Variants in MAGI2 observed in about 807,000 individuals in gnomAD.
MAGI2 encodes the protein membrane-associated guanylate kinase, WW and PDZ domain-containing protein 2.
In MAGI2, 35 loss-of-function variants were observed where a neutral mutation model predicts 133.3. The ratio of observed to expected loss-of-function variants is 0.26; its 90% confidence interval spans 0.20 to 0.35. MAGI2 has a LOEUF of 0.35. MAGI2 is among the 10% of genes least tolerant of loss of function. MAGI2 has a pLI of 1.00. For synonymous variants in MAGI2, 729 were observed against 710.6 expected (o/e 1.03, Z -0.41); for missense variants, 1,636 against 1,863.4 (o/e 0.88, Z 2.25).
intron 5 of MAGI2, among the ~76,000 whole-genome samples, chr7:78,493,460 T>C (rs1367973933): frequency 1.3e-5 from 2 of 152,190 alleles, no homozygotes; most frequent in East Asian, 1.9e-4. Flanking sequence ...TGTCCCCTCA[T>C]TTAATGCTAA....
Position 78,256,205 on chromosome 7 carries a change from T to C in MAGI2, c.1785A>G (p.Ser595=), listed in dbSNP as rs1198468805. 1 of 1,614,022 alleles carries C rather than the reference T, an allele frequency of 6.2e-7. No individual in the cohort carries two copies. Among genetic ancestry groups the C allele is most frequent in the Non-Finnish European group, 8.5e-7 (1 of 1,179,992 alleles). Residue 595 remains serine, a synonymous_variant, in exon 10 of 22, where the codon TCA becomes TCG. Transcript: ENST00000354212. ...TAAGTTCAGCTTGGGTGGCCCCAGATGAAGCCATAGACACATTGTCATCAT... is the reference window on the plus strand; with the variant it reads ...TAAGTTCAGCTTGGGTGGCCCCAGACGAAGCCATAGACACATTGTCATCAT... The part of the protein sequence containing the change: ...PVHDDNVSMA[S]SGATQAELMT...
chr7:79,276,456 T>C (rs1835234186), intron 1 of MAGI2, among the ~76,000 whole-genome samples: 1 of 152,208 alleles, frequency 6.6e-6, no homozygotes, highest in African/African-American at 2.4e-5. Context: ...TATAACTTTC[T>C]GAAGGCTCAG....
At position 78,189,143 on chromosome 7, in the gene MAGI2, C is replaced by T. The variant is rs149405790; in HGVS notation, c.2270-3473G>A. Among the ~76,000 whole-genome samples, 45 of 152,204 alleles carry T rather than the reference C, an allele frequency of 3.0e-4. No individual in the cohort carries two copies. The East Asian group carries it at 5.8e-3, about 20-fold the overall frequency. On this transcript the variant is annotated intron_variant, in intron 12 of 21. Transcript: ENST00000354212. ...CTGGTAGTTTAGAAATACAACCACC[C>T]GTTTGTGATCAGCCATGAATTACAT...
chr7:79,287,252 G>T (rs1836082412), intron 1 of MAGI2, among the ~76,000 whole-genome samples: 1 of 152,082 alleles, frequency 6.6e-6, no homozygotes, highest in Admixed American at 6.6e-5. Context: ...AGTTTGGAAA[G>T]TTCTGGTTTG....
At chr7:78,330,064 T>C (rs1444152757) in intron 9 of MAGI2, among the ~76,000 whole-genome samples, 4 of 152,234 alleles carry the variant, frequency 2.6e-5, no homozygotes, top group Non-Finnish European at 5.9e-5. Flanking sequence ...TATCCATTAC[T>C]TCTAGAATAT....
intron 2 of MAGI2, among the ~76,000 whole-genome samples, chr7:78,782,453 T>G (rs751543452): frequency 3.9e-5 from 6 of 151,902 alleles, no homozygotes; most frequent in Non-Finnish European, 8.8e-5. Flanking sequence ...ACATTTTGAG[T>G]GTGGAATCCT....
At chr7:78,653,298 G>A (rs1269287581) in intron 2 of MAGI2, among the ~76,000 whole-genome samples, 3 of 152,058 alleles carry the variant, frequency 2.0e-5, no homozygotes, top group Non-Finnish European at 2.9e-5. Context: ...TAAACCCAAA[G>A]GATTATAAAT....
intron 1 of MAGI2, among the ~76,000 whole-genome samples, chr7:79,212,200 A>C (rs1829557486): frequency 6.6e-6 from 1 of 152,054 alleles, no homozygotes. Flanking sequence ...AAGATGTTGC[A>C]TTATTTGTAG....
intron 6 of MAGI2, among the ~76,000 whole-genome samples, chr7:78,437,882 C>G (rs1787204017): frequency 6.6e-6 from 1 of 152,152 alleles, no homozygotes; most frequent in Admixed American, 6.5e-5. Context: ...ATATAAGCTT[C>G]ATTTACCCTT....
intron 2 of MAGI2, among the ~76,000 whole-genome samples, chr7:79,002,882 T>C (rs1807026783): frequency 6.6e-6 from 1 of 150,838 alleles, no homozygotes. Context: ...TGTGTGTGTG[T>C]GTGTGTGTGT....
chr7:79,145,881 C>G (rs915843830), intron 1 of MAGI2, among the ~76,000 whole-genome samples: 9 of 152,230 alleles, frequency 5.9e-5, no homozygotes, highest in Non-Finnish European at 1.5e-5. Flanking sequence ...CATCCAAAAT[C>G]ATGCTCATGC....
At position 78,025,305 on chromosome 7, in the gene MAGI2, A is replaced by G. The variant is rs183934290; in HGVS notation, c.3707-5329T>C. On this transcript the variant is annotated intron_variant, in intron 21 of 21. Transcript: ENST00000354212. ...ATATCATCCCAGAGAACTCCAATCT[A>G]CAGTAGATACTACACCCCCTCAGCA... 8.1e-4 allele frequency among the ~76,000 whole-genome samples: 68 copies of G among 84,022 alleles called. 2 individuals are homozygous for G. The highest frequency in any genetic ancestry group is 2.2e-3 in the African/African-American group (52 of 23,248). The allele number at this position is 84,022 out of a possible 152,430, so 55.1% of individuals were successfully genotyped here.
At chr7:78,600,533 A>G in intron 3 of MAGI2, among the ~76,000 whole-genome samples, 1 of 152,230 alleles carries the variant, frequency 6.6e-6, no homozygotes, top group East Asian at 1.9e-4. Flanking sequence ...ATTCACTAGC[A>G]TTTTAAAGAT....
intron 10 of MAGI2, among the ~76,000 whole-genome samples, chr7:78,239,061 C>T (rs926545981): frequency 6.6e-6 from 1 of 152,014 alleles, no homozygotes; most frequent in Non-Finnish European, 1.5e-5. Flanking sequence ...ATCTCTACAG[C>T]TTGCTCACTC....
chr7:79,333,409 A>C (rs565522725), intron 1 of MAGI2, among the ~76,000 whole-genome samples: 1 of 152,286 alleles, frequency 6.6e-6, no homozygotes, highest in African/African-American at 2.4e-5. Flanking sequence ...TACAGGCGTG[A>C]GCCACCGCAC....
chr7:79,376,962 G>C (rs1324637386), intron 1 of MAGI2, among the ~76,000 whole-genome samples: 14 of 151,390 alleles, frequency 9.2e-5, no homozygotes, highest in Non-Finnish European at 1.3e-4. Flanking sequence ...TCTTCTGCTT[G>C]GTAGAGTCTA....
At chr7:78,301,300 G>A (rs997475603) in intron 9 of MAGI2, among the ~76,000 whole-genome samples, 13 of 152,060 alleles carry the variant, frequency 8.5e-5, no homozygotes, top group African/African-American at 1.2e-4. Flanking sequence ...AAACTTTCAA[G>A]AAAGATCAGT....
At chr7:79,298,822 G>T (rs972273260) in intron 1 of MAGI2, among the ~76,000 whole-genome samples, 1 of 152,072 alleles carries the variant, frequency 6.6e-6, no homozygotes, top group African/African-American at 2.4e-5. Flanking sequence ...GAGAAAATTT[G>T]GAAACACATA....
In MAGI2 at chr7:78,462,694, A is replaced by G. The variant is rs1790189101; in HGVS notation, c.1045+27067T>C. On this transcript the variant is annotated intron_variant, in intron 6 of 21. Coordinates refer to ENST00000354212, the MANE Select transcript of MAGI2 (RefSeq NM_012301.4). The stretch of plus-strand genomic sequence containing the variant: ...CCTTATCAGTTTGCATATTAAATGA[A>G]TGATTAATATTTTCCCAAATAGGCA... Among the ~76,000 whole-genome samples the G allele has an allele frequency of 2.6e-5, 4 of 152,326 alleles. No individual in the cohort carries two copies. In the South Asian group the frequency reaches 8.3e-4, roughly 32 times the overall value.
Sources: gnomAD v4.1 joint callset for allele counts (sites outside exome capture counted in the v4.1 genomes callset) on GRCh38, gnomAD v4.1.1 for gene constraint, MANE v1.5 for transcripts, NCBI Gene and HGNC (gene_info 2026-07-23, HGNC 2026-07-21) for gene names.